The following STAT5B variants were observed in gnomAD, a reference collection of about 807,000 sequenced individuals.
The protein encoded by STAT5B is transcription factor STAT5B.
Under a neutral mutation model 107.8 loss-of-function variants are expected in STAT5B, and 21 were observed. That is an observed-to-expected ratio of 0.19 (90% CI 0.14 to 0.28). The LOEUF (loss-of-function observed/expected upper bound fraction) is 0.28, where lower values mean the gene tolerates loss of function less well. Among genes scored for constraint, STAT5B ranks in the 10% least tolerant of loss-of-function variants. The pLI is 1.00. For synonymous variants in STAT5B, 325 were observed against 401.7 expected (o/e 0.81, Z 2.28); for missense variants, 565 against 1,008.2 (o/e 0.56, Z 5.95).
chr17:42,202,281 C>CCCTT, intron 18 of STAT5B, 59 bp downstream of exon 18: 1 of 1,600,048 alleles, frequency 6.2e-7, no homozygotes, highest in Non-Finnish European at 8.6e-7. Flanking sequence ...TCCAGGGGTC[C>CCCTT]AGCCTGGGGC....
rs57573850 is a variant in STAT5B at position 42,201,524 on chromosome 17, G to GCA, written c.*212_*213dup. The GCA allele has an allele frequency of 0.075, 45,834 of 610,972 alleles. 435 individuals carry two copies. Among genetic ancestry groups the GCA allele is most frequent in the Non-Finnish European group, 0.081 (27,159 of 335,820 alleles). 37.8% of individuals were successfully genotyped at this position (610,972 alleles called of 1,614,324 possible). On this transcript the variant is annotated 3_prime_UTR_variant, in exon 19 of 19. Transcript: ENST00000293328. The stretch of plus-strand genomic sequence containing the variant: ...GAGAAACACCATAACGTGCAAACAC[G>GCA]CACACACACACACACACACACACAC...
intron 1 of STAT5B, among the ~76,000 whole-genome samples, chr17:42,262,932 ATGTATATATATGTG>A (rs2080622386): frequency 3.0e-5 from 2 of 66,818 alleles, no homozygotes; most frequent in African/African-American, 5.1e-5. Flanking sequence ...GTATATATAT[ATGTATATATATGTG>A]TGTGTGTGTG....
chr17:42,271,267 C>T (rs964973980), intron 1 of STAT5B: 1 of 152,232 alleles, frequency 6.6e-6, no homozygotes, highest in African/African-American at 2.4e-5. Context: ...TTGGGTTTGT[C>T]CTGTTATCAT....
upstream of STAT5B, among the ~76,000 whole-genome samples, chr17:42,280,930 C>T (rs1320557522): frequency 6.6e-6 from 1 of 151,810 alleles, no homozygotes; most frequent in Non-Finnish European, 1.5e-5. Flanking sequence ...GTCAGGCGAT[C>T]GAGACCATCC....
intron 15 of STAT5B, among the ~76,000 whole-genome samples, chr17:42,209,241 G>A (rs929774344): frequency 3.3e-5 from 5 of 151,366 alleles, no homozygotes; most frequent in Non-Finnish European, 5.9e-5. Context: ...TTTACTTAGA[G>A]ACAGGGTCTT....
At chr17:42,215,873 C>T (rs1333519631) in intron 12 of STAT5B, 141 bp downstream of exon 12, 23 of 911,714 alleles carry the variant, frequency 2.5e-5, no homozygotes, top group Non-Finnish European at 3.3e-5. Flanking sequence ...CCAACCGCCT[C>T]GGCCTCCCAA....
chr17:42,267,634 T>G (rs998766053), intron 1 of STAT5B, among the ~76,000 whole-genome samples: 1 of 152,096 alleles, frequency 6.6e-6, no homozygotes, highest in African/African-American at 2.4e-5. Context: ...TTAAGCTAAG[T>G]GTTACTACAA....
intron 1 of STAT5B, among the ~76,000 whole-genome samples, chr17:42,262,236 C>G (rs1242376766): frequency 6.6e-6 from 1 of 152,080 alleles, no homozygotes; most frequent in Non-Finnish European, 1.5e-5. Context: ...TCACAGCTCA[C>G]TGTATCCTCC....
intron 1 of STAT5B, among the ~76,000 whole-genome samples, chr17:42,249,258 T>C (rs2144353681): frequency 6.6e-6 from 1 of 152,190 alleles, no homozygotes; most frequent in East Asian, 1.9e-4. Context: ...CTGGGTGTGG[T>C]GGCGCGTGAC....
intron 2 of STAT5B, among the ~76,000 whole-genome samples, chr17:42,230,255 C>A (rs1189998761): frequency 1.3e-5 from 2 of 152,002 alleles, no homozygotes; most frequent in Non-Finnish European, 2.9e-5. Context: ...ACACGCATTG[C>A]GATTATTCTA....
At chr17:42,228,489 C>A (rs564665344) in intron 2 of STAT5B, among the ~76,000 whole-genome samples, 1 of 152,278 alleles carries the variant, frequency 6.6e-6, no homozygotes, top group South Asian at 2.1e-4. Context: ...ACTGAAGAAA[C>A]CAAACAGCTG....
At chr17:42,207,256 C>A (rs2080092474) in intron 16 of STAT5B, among the ~76,000 whole-genome samples, 1 of 151,988 alleles carries the variant, frequency 6.6e-6, no homozygotes, top group Non-Finnish European at 1.5e-5. Context: ...AGCAATAAAA[C>A]CATCTCTGTC....
At chr17:42,202,724 CAGA>C (rs1567653180) in intron 17 of STAT5B, 30 bp downstream of exon 17, 2 of 1,613,380 alleles carry the variant, frequency 1.2e-6, no homozygotes. Context: ...AGGAAAGAGG[CAGA>C]AGGAGAGCCA....
chr17:42,210,088 G>GT, intron 15 of STAT5B, 83 bp downstream of exon 15: 10 of 1,596,342 alleles, frequency 6.3e-6, no homozygotes, highest in Non-Finnish European at 8.6e-6. Flanking sequence ...TCAACAAATA[G>GT]TAAGTACCCA....
At chr17:42,246,168 A>G (rs920070112) in intron 1 of STAT5B, among the ~76,000 whole-genome samples, 1 of 152,154 alleles carries the variant, frequency 6.6e-6, no homozygotes, top group Non-Finnish European at 1.5e-5. Context: ...TTAATAATCA[A>G]TGGGGAATTG....
chr17:42,208,819 C>T (rs1262057751), intron 15 of STAT5B, among the ~76,000 whole-genome samples: 14 of 149,250 alleles, frequency 9.4e-5, no homozygotes, highest in Non-Finnish European at 6.0e-5. Context: ...GCAAGCTCCG[C>T]CTCCCGGGTT....
chr17:42,235,670 G>T (rs942326802), intron 1 of STAT5B, among the ~76,000 whole-genome samples: 1 of 152,096 alleles, frequency 6.6e-6, no homozygotes, highest in South Asian at 2.1e-4. Flanking sequence ...TAGAGATGGG[G>T]TTTCACCATG....
intron 15 of STAT5B, 80 bp from the exon 16 acceptor site, chr17:42,207,808 T>G: frequency 6.7e-7 from 1 of 1,485,726 alleles, no homozygotes; most frequent in Non-Finnish European, 9.3e-7. Context: ...ATACTATAAA[T>G]TCAAGCTTGC....
At chr17:42,246,491 G>A (rs2080452708) in intron 1 of STAT5B, among the ~76,000 whole-genome samples, 1 of 152,104 alleles carries the variant, frequency 6.6e-6, no homozygotes, top group African/African-American at 2.4e-5. Context: ...GTTAATAGCA[G>A]ATTAATTTGT....
Sources: gnomAD v4.1 joint callset for allele counts (sites outside exome capture counted in the v4.1 genomes callset) on GRCh38, gnomAD v4.1.1 for gene constraint, MANE v1.5 for transcripts, NCBI Gene and HGNC (gene_info 2026-07-23, HGNC 2026-07-21) for gene names.